Variants in SPECC1L observed in about 807,000 individuals in gnomAD.
SPECC1L encodes the protein sperm antigen with calponin homology and coiled-coil domains 1 like, also known as cytospin-A.
A neutral mutation model predicts 116.8 loss-of-function variants in SPECC1L; 40 were observed. That is an observed-to-expected ratio of 0.34 (90% CI 0.27 to 0.45). The LOEUF is 0.45. Ranked by LOEUF, SPECC1L falls within the 20% of genes least tolerant of loss-of-function variation. The pLI, the probability that SPECC1L is intolerant of heterozygous loss-of-function variation, is 1.00. For synonymous variants in SPECC1L, 504 were observed against 500.6 expected (o/e 1.01, Z -0.09); for missense variants, 1,110 against 1,373.6 (o/e 0.81, Z 3.03).
rs747824191 is a variant in SPECC1L at position 24,369,251 on chromosome 22, C to T, written c.3018C>T (p.Ala1006=). Residue 1006 remains alanine (A), a synonymous_variant, in exon 14 of 17, where the codon GCC becomes GCT. Coordinates refer to ENST00000314328, the MANE Select transcript of SPECC1L (RefSeq NM_015330.6). The stretch of plus-strand genomic sequence containing the variant: ...GGAAAGACCCTCTCTCAGCATTGGC[C>T]AGAGAATATGGAGGATCAAAGAGGA... ...EERKDPLSAL[A]REYGGSKRNA... 6.2e-7 allele frequency: 1 copy of T among 1,613,922 alleles called. No homozygotes were observed. The highest frequency in any genetic ancestry group is 8.5e-7 in the Non-Finnish European group (1 of 1,179,908).
At chr22:24,376,428 A>T (rs1170596879) in intron 14 of SPECC1L, among the ~76,000 whole-genome samples, 1 of 152,290 alleles carries the variant, frequency 6.6e-6, no homozygotes, top group Non-Finnish European at 1.5e-5. Context: ...ACTTGCATTT[A>T]CATATAGTAA....
chr22:24,287,327 A>G (rs547696474), intron 2 of SPECC1L, among the ~76,000 whole-genome samples: 36 of 152,298 alleles, frequency 2.4e-4, no homozygotes, highest in African/African-American at 8.7e-4. Context: ...ATTATTTTAC[A>G]GGAGAGTGGC....
In SPECC1L at chr22:24,321,995, A is replaced by T. The variant is rs2040731769; in HGVS notation, c.1015A>T (p.Ser339Cys). 4.3e-6 allele frequency: 7 copies of T among 1,614,228 alleles called. No homozygotes were observed. Among genetic ancestry groups the T allele is most frequent in the Non-Finnish European group, 5.9e-6 (7 of 1,180,036 alleles). The change falls in exon 5 of 17, where the codon AGT (serine) becomes TGT (cysteine). Residue 339 changes from serine to cysteine, a missense_variant. Around this residue, in one of 4 missense-constraint regions of SPECC1L, gnomAD observed 437 missense variants for 482.6 expected, o/e 0.91. Coordinates refer to ENST00000314328, the MANE Select transcript of SPECC1L (RefSeq NM_015330.6). ...AAATACACTAATGGACCATCAGCAC[A>T]GTAACTCCATGGACAATTTAGACAG... The part of the protein sequence containing the change: ...DENTLMDHQH[S>C]NSMDNLDSEC...
chr22:24,317,560 G>A (rs6519507), intron 4 of SPECC1L, among the ~76,000 whole-genome samples: 7,022 of 110,672 alleles, frequency 0.063, 180 homozygotes, highest in Admixed American at 0.085. Context: ...AGGGGCGGCC[G>A]GGCAGAGGCG....
intron 14 of SPECC1L, among the ~76,000 whole-genome samples, chr22:24,399,502 G>A (rs1028935086): frequency 2.0e-5 from 3 of 152,086 alleles, no homozygotes; most frequent in African/African-American, 4.8e-5. Context: ...CCTGGGAGGC[G>A]GAGCTTGTGG....
intron 2 of SPECC1L, among the ~76,000 whole-genome samples, chr22:24,283,528 T>C (rs921764287): frequency 2.0e-5 from 3 of 152,232 alleles, no homozygotes; most frequent in African/African-American, 4.8e-5. Flanking sequence ...ACGAGAGATA[T>C]GGGTCTGTAG....
At chr22:24,319,876 G>A in intron 4 of SPECC1L, among the ~76,000 whole-genome samples, 1 of 152,314 alleles carries the variant, frequency 6.6e-6, no homozygotes, top group East Asian at 1.9e-4. Context: ...TTATTGATTA[G>A]ATGTGGATCT....
intron 3 of SPECC1L, among the ~76,000 whole-genome samples, chr22:24,307,131 T>TC (rs745962759): frequency 2.0e-5 from 3 of 152,192 alleles, no homozygotes; most frequent in Non-Finnish European, 2.9e-5. Flanking sequence ...AAAGATCTCT[T>TC]CAAGGCCCTG....
chr22:24,372,106 C>T (rs1264870891), intron 14 of SPECC1L, among the ~76,000 whole-genome samples: 1 of 152,100 alleles, frequency 6.6e-6, no homozygotes, highest in East Asian at 1.9e-4. Flanking sequence ...AGGAAGTAGA[C>T]CAATAACAGG....
chr22:24,298,870 A>C (rs1440837734), intron 2 of SPECC1L, among the ~76,000 whole-genome samples: 2 of 152,260 alleles, frequency 1.3e-5, no homozygotes, highest in Non-Finnish European at 2.9e-5. Context: ...CACGCAGAAT[A>C]ATATTTGACC....
At chr22:24,337,844 TTA>T (rs2041091335) in intron 9 of SPECC1L, among the ~76,000 whole-genome samples, 1 of 152,116 alleles carries the variant, frequency 6.6e-6, no homozygotes, top group South Asian at 2.1e-4. Context: ...CAGCAGTTTA[TTA>T]TAGAGAGAGA....
At chr22:24,360,523 T>G (rs944753996) in intron 11 of SPECC1L, among the ~76,000 whole-genome samples, 1 of 152,218 alleles carries the variant, frequency 6.6e-6, no homozygotes, top group African/African-American at 2.4e-5. Context: ...CAGCCAGCGT[T>G]GGGCACATGT....
At chr22:24,363,218 C>T (rs1261757917) in intron 11 of SPECC1L, 43 bp from the exon 12 acceptor site, 1 of 1,526,176 alleles carries the variant, frequency 6.6e-7, no homozygotes, top group Admixed American at 1.7e-5. Flanking sequence ...CTTTAAAGTT[C>T]AGCATCAGAT....
chr22:24,383,779 G>C, intron 14 of SPECC1L, among the ~76,000 whole-genome samples: 1 of 127,380 alleles, frequency 7.9e-6, no homozygotes, highest in East Asian at 2.3e-4. Context: ...TGGGATTACA[G>C]GCACCCACCA....
intron 3 of SPECC1L, among the ~76,000 whole-genome samples, chr22:24,303,092 GGACT>G (rs2049414750): frequency 6.6e-6 from 1 of 152,070 alleles, no homozygotes. Flanking sequence ...TCGAGTAGCT[GGACT>G]AGAGGTGTGC....
At chr22:24,370,794 CATT>C (rs2146652649) in intron 14 of SPECC1L, among the ~76,000 whole-genome samples, 1 of 152,212 alleles carries the variant, frequency 6.6e-6, no homozygotes, top group African/African-American at 2.4e-5. Flanking sequence ...ACACTGAAGA[CATT>C]GTGCTAAATG....
chr22:24,284,730 C>T (rs2146347266), intron 2 of SPECC1L, among the ~76,000 whole-genome samples: 1 of 152,282 alleles, frequency 6.6e-6, no homozygotes, highest in South Asian at 2.1e-4. Context: ...CCACAACACC[C>T]AGCTGAGAAT....
intron 14 of SPECC1L, among the ~76,000 whole-genome samples, chr22:24,402,265 T>A (rs2146783278): frequency 6.6e-6 from 1 of 152,018 alleles, no homozygotes; most frequent in Non-Finnish European, 1.5e-5. Context: ...CTAGAGGGCC[T>A]GGCCAGGTTA....
chr22:24,314,468 A>G (rs1323147580), intron 4 of SPECC1L, among the ~76,000 whole-genome samples: 1 of 152,192 alleles, frequency 6.6e-6, no homozygotes, highest in African/African-American at 2.4e-5. Context: ...CAGTCTTATA[A>G]ATATTTTTGT....
Sources: allele counts gnomAD v4.1 joint callset (sites outside exome capture counted in the v4.1 genomes callset), GRCh38; gene constraint gnomAD v4.1.1; regional missense constraint gnomAD v4.1.1; transcripts MANE v1.5; gene names NCBI Gene and HGNC (gene_info 2026-07-23, HGNC 2026-07-21).